CSMD1: variants seen among roughly 807,000 people sequenced by gnomAD.
CSMD1 encodes the protein CUB and Sushi multiple domains 1, also known as CUB and sushi domain-containing protein 1.
In CSMD1, 213 loss-of-function variants were observed where a neutral mutation model predicts 417.5. The ratio of observed to expected loss-of-function variants is 0.51; its 90% CI spans 0.46 to 0.57. The LOEUF (loss-of-function observed/expected upper bound fraction) is 0.57, where lower values mean the gene tolerates loss of function less well. Ranked by LOEUF, CSMD1 falls within the 20% of genes least tolerant of loss-of-function variation. The pLI, the probability that CSMD1 is intolerant of heterozygous loss-of-function variation, is 0.00. For missense variants in CSMD1, 6,923 were observed against 4,529.7 expected (o/e 1.53, Z -15.17); for synonymous variants, 2,862 against 1,736.8 (o/e 1.65, Z -16.11).
intron 48 of CSMD1, among the ~76,000 whole-genome samples, chr8:3,088,805 G>T (rs77658351): frequency 2.7e-4 from 38 of 140,606 alleles, no homozygotes; most frequent in African/African-American, 1.0e-3. Flanking sequence ...GTACAATCAG[G>T]CACCCTGAAT....
intron 6 of CSMD1, among the ~76,000 whole-genome samples, chr8:3,752,185 G>A (rs149185255): frequency 1.3e-5 from 2 of 152,234 alleles, no homozygotes; most frequent in East Asian, 1.9e-4. Flanking sequence ...CAGATATGGG[G>A]AGGTATGGAA....
chr8:3,075,105 G>C (rs7840624), intron 49 of CSMD1, among the ~76,000 whole-genome samples: 80,086 of 151,852 alleles, frequency 0.53, 21,952 homozygotes, highest in Non-Finnish European at 0.59. Flanking sequence ...TTTGCTAGGC[G>C]ATGTGCCTGA....
At chr8:3,312,569 T>C (rs59107509) in intron 23 of CSMD1, among the ~76,000 whole-genome samples, 2,858 of 152,284 alleles carry the variant, frequency 0.019, 87 homozygotes, top group African/African-American at 0.064. Flanking sequence ...GATTTGATGG[T>C]TCACACACAG....
intron 4 of CSMD1, among the ~76,000 whole-genome samples, chr8:4,026,162 C>G (rs1379145419): frequency 6.6e-6 from 1 of 152,116 alleles, no homozygotes; most frequent in Non-Finnish European, 1.5e-5. Context: ...GTCACATTTA[C>G]ACATTTACAA....
intron 1 of CSMD1, among the ~76,000 whole-genome samples, chr8:4,702,068 T>C (rs1008211296): frequency 1.3e-5 from 2 of 152,000 alleles, no homozygotes; most frequent in African/African-American, 2.4e-5. Context: ...TGAGAACACA[T>C]GGACACAGGA....
At chr8:3,418,852 T>A (rs1563369388) in intron 12 of CSMD1, among the ~76,000 whole-genome samples, 2 of 152,178 alleles carry the variant, frequency 1.3e-5, no homozygotes, top group East Asian at 3.8e-4. Flanking sequence ...TTTTTAATAT[T>A]ATAGATTTCT....
At chr8:4,940,943 A>G (rs759554039) in intron 1 of CSMD1, among the ~76,000 whole-genome samples, 1 of 152,210 alleles carries the variant, frequency 6.6e-6, no homozygotes, top group African/African-American at 2.4e-5. Context: ...TTTCTTTAAC[A>G]GTTCTTAGAT....
At chr8:3,183,761 A>G (rs1247683851) in intron 36 of CSMD1, among the ~76,000 whole-genome samples, 5 of 152,198 alleles carry the variant, frequency 3.3e-5, no homozygotes, top group Non-Finnish European at 7.4e-5. Flanking sequence ...CTCTTTCTCC[A>G]TGACCCCAGA....
At chr8:3,355,017 G>C (rs1808688081) in intron 21 of CSMD1, among the ~76,000 whole-genome samples, 1 of 114,988 alleles carries the variant, frequency 8.7e-6, no homozygotes, top group South Asian at 2.5e-4. Context: ...TTAAAATACA[G>C]GCAAGATATT....
intron 3 of CSMD1, among the ~76,000 whole-genome samples, chr8:4,145,953 C>T (rs1804090796): frequency 6.6e-6 from 1 of 150,912 alleles, no homozygotes; most frequent in Non-Finnish European, 1.5e-5. Context: ...CACGCTGTTT[C>T]TTGTTACCGC....
intron 23 of CSMD1, among the ~76,000 whole-genome samples, chr8:3,325,485 G>A (rs769834559): frequency 6.6e-6 from 1 of 152,082 alleles, no homozygotes; most frequent in Non-Finnish European, 1.5e-5. Context: ...CCAAGTACTG[G>A]TGGCCAACAA....
Position 3,230,187 on chromosome 8 carries a change from C to T in CSMD1, c.4198G>A (p.Gly1400Ser), listed in dbSNP as rs1030064815. ...TCTCTGCTGTCTCCATAGCGGGTGC[C>T]ATTTTGGGGCATACCTGGATCGTTA... ...TCNDPGMPQN[G>S]TRYGDSREAG... The change falls in exon 27 of 70, where the codon GGC (glycine) becomes AGC (serine). Residue 1400 changes from glycine to serine, a missense_variant. By Grantham distance (56) the Gly-to-Ser change is moderately conservative (BLOSUM62 0). Coordinates refer to ENST00000635120, the MANE Select transcript of CSMD1 (RefSeq NM_033225.6). 2.5e-6 allele frequency: 4 copies of T among 1,610,446 alleles called. No homozygotes were observed. In the African/African-American group the frequency reaches 4.0e-5, roughly 16 times the overall value.
chr8:3,827,517 G>C (rs1322554697), intron 5 of CSMD1, among the ~76,000 whole-genome samples: 2 of 152,082 alleles, frequency 1.3e-5, no homozygotes, highest in African/African-American at 4.8e-5. Context: ...TGACATCTAG[G>C]TTTCCCCAAG....
At chr8:4,060,044 A>G (rs528907993) in intron 3 of CSMD1, among the ~76,000 whole-genome samples, 8 of 152,348 alleles carry the variant, frequency 5.3e-5, no homozygotes, top group East Asian at 1.9e-4. Flanking sequence ...AAAATCCTCA[A>G]TAAAATACTG....
chr8:4,174,063 T>C (rs766733648), intron 3 of CSMD1, among the ~76,000 whole-genome samples: 4 of 152,164 alleles, frequency 2.6e-5, no homozygotes, highest in Middle Eastern at 3.2e-3. Context: ...CTGGGCCACC[T>C]GCCTGCTTAT....
intron 25 of CSMD1, among the ~76,000 whole-genome samples, chr8:3,286,717 T>A (rs189396330): frequency 2.6e-4 from 40 of 152,012 alleles, no homozygotes; most frequent in Non-Finnish European, 4.1e-4. Flanking sequence ...TAGATTCTGG[T>A]TATTAGCCCT....
intron 3 of CSMD1, among the ~76,000 whole-genome samples, chr8:4,305,140 T>C (rs1041832243): frequency 5.9e-5 from 9 of 152,208 alleles, no homozygotes; most frequent in African/African-American, 1.9e-4. Flanking sequence ...GATACATGCA[T>C]TGGTATCTAT....
intron 6 of CSMD1, among the ~76,000 whole-genome samples, chr8:3,736,068 AT>A (rs1201755310): frequency 6.6e-6 from 1 of 152,154 alleles, no homozygotes; most frequent in East Asian, 1.9e-4. Context: ...TGTGAAGGAG[AT>A]TAATAATATA....
At chr8:3,431,798 A>G (rs567410964) in intron 12 of CSMD1, among the ~76,000 whole-genome samples, 1 of 152,316 alleles carries the variant, frequency 6.6e-6, no homozygotes, top group Admixed American at 6.5e-5. Flanking sequence ...TTTATTCATA[A>G]CATTGGAGAA....
Sources: allele counts gnomAD v4.1 joint callset (sites outside exome capture counted in the v4.1 genomes callset), GRCh38; gene constraint gnomAD v4.1.1; transcripts MANE v1.5; gene names NCBI Gene and HGNC (gene_info 2026-07-23, HGNC 2026-07-21).